Variants in PHLPP1 observed in about 807,000 individuals in gnomAD.
PHLPP1 encodes the protein PH domain leucine-rich repeat-containing protein phosphatase 1.
In PHLPP1, 42 loss-of-function variants were observed where a neutral mutation model predicts 117.2. The ratio of observed to expected loss-of-function variants is 0.36; its 90% CI spans 0.28 to 0.46. PHLPP1 has a LOEUF of 0.46. Ranked by LOEUF, PHLPP1 falls within the 20% of genes least tolerant of loss-of-function variation. The pLI is 1.00. For missense variants in PHLPP1, 2,084 were observed against 2,241.9 expected (o/e 0.93, Z 1.42); for synonymous variants, 1,042 against 970.7 (o/e 1.07, Z -1.37).
chr18:62,955,221 G>C (rs1476561734), intron 12 of PHLPP1, among the ~76,000 whole-genome samples: 1 of 152,198 alleles, frequency 6.6e-6, no homozygotes, highest in Non-Finnish European at 1.5e-5. Flanking sequence ...ACATGCATGA[G>C]CTGCAGGCAC....
intron 12 of PHLPP1, among the ~76,000 whole-genome samples, chr18:62,955,821 C>G (rs1910595552): frequency 6.6e-6 from 1 of 152,136 alleles, no homozygotes; most frequent in Non-Finnish European, 1.5e-5. Flanking sequence ...TTGTTGTCAA[C>G]TACTTGCATC....
chr18:62,770,643 C>T (rs1912731306), intron 1 of PHLPP1, among the ~76,000 whole-genome samples: 1 of 151,854 alleles, frequency 6.6e-6, no homozygotes, highest in African/African-American at 2.4e-5. Flanking sequence ...AGGATGTCTT[C>T]ATTAAAGATT....
chr18:62,840,983 G>T (rs1915033455), intron 3 of PHLPP1, among the ~76,000 whole-genome samples: 1 of 152,194 alleles, frequency 6.6e-6, no homozygotes, highest in Non-Finnish European at 1.5e-5. Flanking sequence ...TCCACCTCCT[G>T]GGTTCAAGCA....
At chr18:62,917,396 TTG>T (rs34407573) in intron 9 of PHLPP1, among the ~76,000 whole-genome samples, 6,386 of 141,404 alleles carry the variant, frequency 0.045, 299 homozygotes, top group East Asian at 0.19. Flanking sequence ...ACAGTATTCT[TTG>T]TGTGTGTGTG....
chr18:62,808,187 A>G (rs1021601208), intron 1 of PHLPP1, among the ~76,000 whole-genome samples: 2 of 152,148 alleles, frequency 1.3e-5, no homozygotes, highest in Admixed American at 1.3e-4. Context: ...AATGAATGGA[A>G]TCATCTTTTC....
In PHLPP1 at chr18:62,942,346, C is replaced by A. The variant is rs1910153560; in HGVS notation, c.3161+428C>A. Reference sequence around the variant, plus strand: ...GACCAGCCTGGGCAACATAGTGAGACCCTATCTATTAAAAAATAAAGTAAA... The same window carrying A: ...GACCAGCCTGGGCAACATAGTGAGAACCTATCTATTAAAAAATAAAGTAAA... On this transcript the variant is annotated intron_variant, in intron 11 of 16. Transcript: ENST00000262719. 3.3e-5 allele frequency among the ~76,000 whole-genome samples: 5 copies of A among 152,118 alleles called. No individual in the cohort carries two copies. The South Asian group carries it at 1.0e-3, about 32-fold the overall frequency.
chr18:62,974,780 G>A (rs890436908), intron 15 of PHLPP1, among the ~76,000 whole-genome samples: 4 of 152,178 alleles, frequency 2.6e-5, no homozygotes, highest in African/African-American at 7.2e-5. Context: ...TTGATTACTA[G>A]AATGTCCTTT....
rs1031958251 is a variant in PHLPP1 at position 62,896,073 on chromosome 18, G to A, written c.2444+62G>A. 9 of 1,009,832 alleles carry A rather than the reference G, an allele frequency of 8.9e-6. No individual in the cohort carries two copies. In the African/African-American group the frequency reaches 9.6e-5, roughly 11 times the overall value. 62.6% of individuals were successfully genotyped at this position (1,009,832 alleles called of 1,614,324 possible). ...CTGGCTTATATTGCAGGGGTGGGGA[G>A]TAGGTTATTAACCAAGGCAAACAAG... On this transcript the variant is annotated intron_variant, in intron 6 of 16. Coordinates refer to ENST00000262719, the MANE Select transcript of PHLPP1 (RefSeq NM_194449.4).
chr18:62,831,281 G>T (rs772683513), intron 2 of PHLPP1, among the ~76,000 whole-genome samples: 1 of 151,666 alleles, frequency 6.6e-6, no homozygotes, highest in Non-Finnish European at 1.5e-5. Context: ...TGGAAATTAG[G>T]ATTTGGATGA....
At chr18:62,738,717 A>G (rs1043729767) in intron 1 of PHLPP1, among the ~76,000 whole-genome samples, 7 of 152,094 alleles carry the variant, frequency 4.6e-5, no homozygotes, top group Admixed American at 3.3e-4. Context: ...TACTAATACA[A>G]TGGAACAGTT....
In PHLPP1 at chr18:62,975,583, A is replaced by G. The variant is rs369905885; in HGVS notation, c.3942A>G (p.Glu1314=). The part of the protein sequence containing the change: ...LSRSYIMSCE[E]ELKRIKQHKA... ...GATCTTACATCATGAGCTGTGAAGA[A>G]GAGCTGAAGAGGATTAAACAGCACA... The change falls in exon 16 of 17, where the codon GAA becomes GAG. Residue 1314 remains glutamate (E), a synonymous_variant. Transcript: ENST00000262719. The G allele has an allele frequency of 1.5e-5, 24 of 1,613,926 alleles. No individual in the cohort carries two copies. The African/African-American group carries it at 3.2e-4, about 21-fold the overall frequency.
rs57364175 is a variant in PHLPP1, at chr18:62,879,224, C to T, written c.2067-15787C>T. 8.7e-3 allele frequency among the ~76,000 whole-genome samples: 1,330 copies of T among 152,228 alleles called. 26 individuals carry two copies. Among genetic ancestry groups the T allele is most frequent in the African/African-American group, 0.03 (1,262 of 41,528 alleles). ...TCTACCTTCATGAATGTATTAATGCCCATTATCAAAGGGCCTGAGGCTGTG... is the reference window on the plus strand; with the variant it reads ...TCTACCTTCATGAATGTATTAATGCTCATTATCAAAGGGCCTGAGGCTGTG... On this transcript the variant is annotated intron_variant, in intron 4 of 16. Transcript: ENST00000262719.
At chr18:62,806,149 C>T (rs577650314) in intron 1 of PHLPP1, among the ~76,000 whole-genome samples, 2 of 152,184 alleles carry the variant, frequency 1.3e-5, no homozygotes, top group South Asian at 4.1e-4. Flanking sequence ...GAAGTGCTAT[C>T]TTTATTTGGA....
chr18:62,969,189 G>A (rs1036230233), intron 14 of PHLPP1, among the ~76,000 whole-genome samples: 2 of 152,040 alleles, frequency 1.3e-5, no homozygotes, highest in Admixed American at 1.3e-4. Flanking sequence ...TTACAGGTGT[G>A]AGATATCACA....
intron 10 of PHLPP1, among the ~76,000 whole-genome samples, chr18:62,926,524 G>A (rs1281893801): frequency 7.9e-5 from 12 of 152,226 alleles, no homozygotes; most frequent in South Asian, 2.1e-4. Flanking sequence ...TGAGATGGGC[G>A]AGTCCACCCT....
rs780871075 is a variant in PHLPP1 at position 62,895,089 on chromosome 18, C to A, written c.2145C>A (p.Thr715=). 1 of 1,613,890 alleles carries A rather than the reference C, an allele frequency of 6.2e-7. No individual in the cohort carries two copies. Among genetic ancestry groups the A allele is most frequent in the South Asian group, 1.1e-5 (1 of 91,070 alleles). The part of the protein sequence containing the change: ...DFPLAVCSIP[T]LAELNVSCNA... ...CACTGGCAGTCTGCAGTATTCCAACCCTGGCAGAGCTGAACGTGTCCTGCA... is the reference window on the plus strand; with the variant it reads ...CACTGGCAGTCTGCAGTATTCCAACACTGGCAGAGCTGAACGTGTCCTGCA... The change falls in exon 5 of 17, where the codon ACC becomes ACA. Residue 715 remains threonine (T), a synonymous_variant. Transcript: ENST00000262719.
intron 9 of PHLPP1, among the ~76,000 whole-genome samples, chr18:62,918,726 A>T (rs898937892): frequency 2.6e-5 from 4 of 152,170 alleles, no homozygotes; most frequent in Admixed American, 2.0e-4. Flanking sequence ...ATTGAAGGAT[A>T]CAAAATTTGG....
chr18:62,972,505 G>T lies in PHLPP1; in HGVS notation c.3561-9G>T. Reference sequence around the variant, plus strand: ...GTGGACTCAGCACAGAAGTGTGGTTGCCTTGCAGGTTGTGTGTCGCAGCCC... The same window carrying T: ...GTGGACTCAGCACAGAAGTGTGGTTTCCTTGCAGGTTGTGTGTCGCAGCCC... On this transcript the variant is annotated splice_polypyrimidine_tract_variant and intron_variant, in intron 14 of 16. Transcript: ENST00000262719. 6.2e-7 allele frequency: 1 copy of T among 1,611,104 alleles called. No individual in the cohort carries two copies. The highest frequency in any genetic ancestry group is 8.5e-7 in the Non-Finnish European group (1 of 1,179,106).
chr18:62,741,015 AC>A (rs1008011892), intron 1 of PHLPP1, among the ~76,000 whole-genome samples: 25 of 152,158 alleles, frequency 1.6e-4, no homozygotes, highest in African/African-American at 5.8e-4. Context: ...TCAAATATTT[AC>A]TGATGTCTTC....
Sources: gnomAD v4.1 joint callset for allele counts (sites outside exome capture counted in the v4.1 genomes callset) on GRCh38, gnomAD v4.1.1 for gene constraint, MANE v1.5 for transcripts, NCBI Gene and HGNC (gene_info 2026-07-23, HGNC 2026-07-21) for gene names.